Variants in TBC1D22B observed in about 807,000 individuals in gnomAD.
TBC1D22B encodes chromosome 6 open reading frame 197.
In TBC1D22B, 32 loss-of-function variants were observed where a neutral mutation model predicts 69.1. The observed-to-expected ratio is 0.46, with a 90% CI of 0.35 to 0.62. The LOEUF (loss-of-function observed/expected upper bound fraction) is 0.62, where lower values mean the gene tolerates loss of function less well. TBC1D22B is among the 20% of genes least tolerant of loss of function. The pLI is 0.00. For missense variants in TBC1D22B, 462 were observed against 630.9 expected (o/e 0.73, Z 2.87); for synonymous variants, 206 against 229.8 (o/e 0.90, Z 0.94).
At chr6:37,300,691 A>T (rs1440830703) in intron 8 of TBC1D22B, among the ~76,000 whole-genome samples, 2 of 151,926 alleles carry the variant, frequency 1.3e-5, no homozygotes, top group Non-Finnish European at 2.9e-5. Context: ...TTTTTAAAAA[A>T]AATTCCCCCC....
At chr6:37,329,661 C>CT (rs1434737819) in intron 12 of TBC1D22B, among the ~76,000 whole-genome samples, 1 of 152,232 alleles carries the variant, frequency 6.6e-6, no homozygotes, top group African/African-American at 2.4e-5. Flanking sequence ...AACTAACAGT[C>CT]TAAGTGTAAG....
rs1011158493 is a variant in TBC1D22B, at chr6:37,332,953, G to C, written c.*1781G>C. ...AAAGTGAAAAGAATTGTAAATAAAT[G>C]GTGTATTTCCTCCTCCATCTGCTGG... On this transcript the variant is annotated 3_prime_UTR_variant, in exon 13 of 13. Transcript: ENST00000373491. 1.3e-5 allele frequency: 2 copies of C among 152,172 alleles called. No individual in the cohort carries two copies. Among genetic ancestry groups the C allele is most frequent in the Non-Finnish European group, 2.9e-5 (2 of 68,026 alleles). The allele number at this position is 152,172 out of a possible 1,614,324, so 9.4% of individuals were successfully genotyped here.
chr6:37,288,697 G>A (rs1318564603), intron 7 of TBC1D22B, among the ~76,000 whole-genome samples: 11 of 150,012 alleles, frequency 7.3e-5, no homozygotes, highest in Non-Finnish European at 1.2e-4. Context: ...AGCCATGATC[G>A]TGCTACTGCA....
chr6:37,317,067 T>G (rs1768106260), intron 11 of TBC1D22B, 44 bp from the exon 12 acceptor site: 2 of 1,541,832 alleles, frequency 1.3e-6, no homozygotes, highest in East Asian at 4.9e-5. Context: ...GAGCTGAATC[T>G]TTGTCAGGGC....
chr6:37,286,912 C>G, intron 6 of TBC1D22B, 95 bp from the exon 7 acceptor site: 1 of 1,150,400 alleles, frequency 8.7e-7, no homozygotes, highest in South Asian at 1.3e-5. Context: ...CCATTGCACT[C>G]CAGCCTGGGG....
chr6:37,329,187 A>G (rs1768513797), intron 12 of TBC1D22B, among the ~76,000 whole-genome samples: 1 of 152,238 alleles, frequency 6.6e-6, no homozygotes, highest in Non-Finnish European at 1.5e-5. Flanking sequence ...TTATGTGTAC[A>G]TGTACATATA....
In TBC1D22B at chr6:37,257,774, A is replaced by G. The variant is rs1159923944; in HGVS notation, c.-144A>G. The G allele has an allele frequency of 4.5e-6, 4 of 883,106 alleles. No individual in the cohort carries two copies. In the East Asian group the frequency reaches 1.1e-4, roughly 24 times the overall value. The allele number at this position is 883,106 out of a possible 1,614,324, so 54.7% of individuals were successfully genotyped here. A position where few individuals can be genotyped will look rare whatever the true frequency, so the allele number is the denominator to read the frequency against. On this transcript the variant is annotated 5_prime_UTR_variant, in exon 1 of 13. Transcript: ENST00000373491. The stretch of plus-strand genomic sequence containing the variant: ...CGGTGCTGGGTGGAGGGGTGCCCAC[A>G]TCCAAGATGGCGTCCCCAGGAGCTG...
intron 2 of TBC1D22B, among the ~76,000 whole-genome samples, chr6:37,270,872 G>T (rs1210942266): frequency 6.6e-6 from 1 of 152,150 alleles, no homozygotes; most frequent in African/African-American, 2.4e-5. Context: ...TACAATTATG[G>T]TTCCAACTAC....
intron 7 of TBC1D22B, 28 bp downstream of exon 7, chr6:37,287,100 C>T (rs184410324): frequency 8.9e-6 from 14 of 1,568,342 alleles, no homozygotes; most frequent in Admixed American, 5.7e-5. Context: ...TGTTCTTTGG[C>T]GCTTCTCCCC....
At chr6:37,279,934 C>T (rs146013544) in intron 3 of TBC1D22B, among the ~76,000 whole-genome samples, 6 of 152,306 alleles carry the variant, frequency 3.9e-5, no homozygotes, top group African/African-American at 1.4e-4. Flanking sequence ...TGCTTTAGGC[C>T]TGGTCAGGTT....
At chr6:37,325,125 A>G (rs1310101991) in intron 12 of TBC1D22B, among the ~76,000 whole-genome samples, 1 of 151,984 alleles carries the variant, frequency 6.6e-6, no homozygotes, top group African/African-American at 2.4e-5. Context: ...GTCTCTGCTT[A>G]TTACCCATTA....
At chr6:37,295,935 T>C (rs1767349590) in intron 8 of TBC1D22B, among the ~76,000 whole-genome samples, 1 of 152,220 alleles carries the variant, frequency 6.6e-6, no homozygotes. Flanking sequence ...TGTGGCCAAC[T>C]TCATTACTGT....
At chr6:37,275,300 A>G (rs1344185574) in intron 2 of TBC1D22B, among the ~76,000 whole-genome samples, 1 of 152,082 alleles carries the variant, frequency 6.6e-6, no homozygotes, top group Non-Finnish European at 1.5e-5. Flanking sequence ...AGAATAGGCT[A>G]TGTGTGTCAG....
intron 12 of TBC1D22B, among the ~76,000 whole-genome samples, chr6:37,326,703 G>T (rs577236230): frequency 6.6e-5 from 10 of 152,208 alleles, no homozygotes; most frequent in Admixed American, 5.2e-4. Context: ...CAGTAGAATT[G>T]CTTGAACCTG....
intron 1 of TBC1D22B, among the ~76,000 whole-genome samples, chr6:37,267,133 T>A (rs1766303536): frequency 6.6e-6 from 1 of 150,768 alleles, no homozygotes; most frequent in Non-Finnish European, 1.5e-5. Context: ...TACAAGGTCT[T>A]GCTACGTTGC....
intron 6 of TBC1D22B, among the ~76,000 whole-genome samples, chr6:37,285,583 G>T (rs73421909): frequency 1.3e-5 from 2 of 151,928 alleles, no homozygotes; most frequent in Admixed American, 6.6e-5. Flanking sequence ...GCCTTTGTCC[G>T]CTGGGTTCCA....
intron 5 of TBC1D22B, among the ~76,000 whole-genome samples, chr6:37,283,636 C>G (rs920181771): frequency 1.3e-5 from 2 of 152,224 alleles, no homozygotes; most frequent in Non-Finnish European, 2.9e-5. Context: ...TGCAACCATG[C>G]AATCATTGCC....
intron 1 of TBC1D22B, among the ~76,000 whole-genome samples, chr6:37,267,070 A>G (rs1402189600): frequency 6.7e-6 from 1 of 149,640 alleles, no homozygotes; most frequent in Non-Finnish European, 1.5e-5. Flanking sequence ...CCAAGTAGCT[A>G]GAAGTACAAG....
At chr6:37,296,728 G>T (rs992393157) in intron 8 of TBC1D22B, among the ~76,000 whole-genome samples, 1 of 151,748 alleles carries the variant, frequency 6.6e-6, no homozygotes, top group Non-Finnish European at 1.5e-5. Context: ...GTCAAACATC[G>T]TATCATTTTA....
Sources: gnomAD v4.1 joint callset for allele counts (sites outside exome capture counted in the v4.1 genomes callset) on GRCh38, gnomAD v4.1.1 for gene constraint, MANE v1.5 for transcripts, NCBI Gene and HGNC (gene_info 2026-07-23, HGNC 2026-07-21) for gene names.